Variants in SCAPER observed in about 807,000 individuals in gnomAD.
The protein encoded by SCAPER is S phase cyclin A-associated protein in the endoplasmic reticulum.
A neutral mutation model predicts 182.2 loss-of-function variants in SCAPER; 98 were observed. The ratio of observed to expected loss-of-function variants is 0.54; its 90% confidence interval spans 0.46 to 0.64. The LOEUF (loss-of-function observed/expected upper bound fraction) is 0.64, where lower values mean the gene tolerates loss of function less well. Ranked by LOEUF, SCAPER falls within the 30% of genes least tolerant of loss-of-function variation. The pLI is 0.00. For synonymous variants in SCAPER, 605 were observed against 564.6 expected (o/e 1.07, Z -1.01); for missense variants, 1,432 against 1,690.0 (o/e 0.85, Z 2.68).
chr15:76,421,740 T>A (rs900344750), intron 26 of SCAPER, among the ~76,000 whole-genome samples: 1 of 152,234 alleles, frequency 6.6e-6, no homozygotes, highest in Non-Finnish European at 1.5e-5. Context: ...TCCTCTAGGG[T>A]TTTTATGGTT....
chr15:76,827,070 CA>C (rs200442872), intron 5 of SCAPER, among the ~76,000 whole-genome samples: 25 of 151,614 alleles, frequency 1.6e-4, no homozygotes, highest in Admixed American at 1.5e-3. Flanking sequence ...ATGAATTAGA[CA>C]AAAAAAAGTA....
chr15:76,769,515 C>T (rs1455273058), intron 10 of SCAPER, among the ~76,000 whole-genome samples: 1 of 147,008 alleles, frequency 6.8e-6, no homozygotes, highest in Non-Finnish European at 1.5e-5. Flanking sequence ...AGGATATGAA[C>T]AGACATTTCT....
intron 21 of SCAPER, among the ~76,000 whole-genome samples, chr15:76,659,798 T>C (rs1050024896): frequency 1.3e-5 from 2 of 152,202 alleles, no homozygotes; most frequent in Admixed American, 6.5e-5. Context: ...ATATTGTTGG[T>C]GGGAATGTAA....
At chr15:76,623,835 A>C (rs1241780284) in intron 21 of SCAPER, among the ~76,000 whole-genome samples, 1 of 151,740 alleles carries the variant, frequency 6.6e-6, no homozygotes, top group Non-Finnish European at 1.5e-5. Flanking sequence ...ATGCAGAAGA[A>C]GTTTTCAATA....
At chr15:76,522,358 A>T (rs2042899458) in intron 23 of SCAPER, among the ~76,000 whole-genome samples, 1 of 152,154 alleles carries the variant, frequency 6.6e-6, no homozygotes, top group African/African-American at 2.4e-5. Context: ...CACCAGTAGG[A>T]AGTCAGTTAC....
intron 8 of SCAPER, among the ~76,000 whole-genome samples, chr15:76,775,576 G>C (rs1294709211): frequency 4.6e-5 from 7 of 152,132 alleles, no homozygotes; most frequent in Non-Finnish European, 1.0e-4. Context: ...AGGTACATTG[G>C]TTCTGGTGTC....
At chr15:76,709,878 T>C (rs1461878447) in intron 17 of SCAPER, among the ~76,000 whole-genome samples, 1 of 152,202 alleles carries the variant, frequency 6.6e-6, no homozygotes, top group Non-Finnish European at 1.5e-5. Flanking sequence ...CAAAAATTAA[T>C]GTAACATACC....
Position 76,730,586 on chromosome 15 carries a change from TA to T in SCAPER, c.2023-1850del, listed in dbSNP as rs576228326. 1.1e-4 allele frequency among the ~76,000 whole-genome samples: 17 copies of T among 151,800 alleles called. No homozygotes were observed. In the East Asian group the frequency reaches 2.7e-3, roughly 24 times the overall value. On this transcript the variant is annotated intron_variant, in intron 16 of 31. Coordinates refer to ENST00000563290, the MANE Select transcript of SCAPER (RefSeq NM_020843.4). ...TTTTCTCCATTAAAAAAAAAGTGAATAAAAAAATTCCTCTTATAGTCCAATT... is the reference window on the plus strand; with the variant it reads ...TTTTCTCCATTAAAAAAAAAGTGAATAAAAAATTCCTCTTATAGTCCAATT...
At position 76,352,730 on chromosome 15, in the gene SCAPER, G is replaced by A. The variant is rs974145194; in HGVS notation, c.4047+1219C>T. Among the ~76,000 whole-genome samples, 4 of 151,948 alleles carry A rather than the reference G, an allele frequency of 2.6e-5. No homozygotes were observed. In the East Asian group the frequency reaches 5.8e-4, roughly 22 times the overall value. The stretch of plus-strand genomic sequence containing the variant: ...CTCCCAAAGTGCTGGGATTACAGAT[G>A]TGAGCCACCACACCTGGTCCATAAT... On this transcript the variant is annotated intron_variant, in intron 30 of 31. Coordinates refer to ENST00000563290, the MANE Select transcript of SCAPER (RefSeq NM_020843.4).
intron 2 of SCAPER, among the ~76,000 whole-genome samples, chr15:76,875,413 G>A (rs1416279020): frequency 1.3e-5 from 2 of 152,326 alleles, no homozygotes; most frequent in East Asian, 3.9e-4. Context: ...GCAGGCCAAA[G>A]TAGGCGGATC....
intron 23 of SCAPER, among the ~76,000 whole-genome samples, chr15:76,518,439 A>C (rs2042601919): frequency 6.6e-6 from 1 of 152,216 alleles, no homozygotes; most frequent in South Asian, 2.1e-4. Context: ...GCACAAGGAA[A>C]GTCAAGCACA....
In SCAPER at chr15:76,398,388, T is replaced by A. The variant is rs538012394; in HGVS notation, c.3467+6136A>T. Among the ~76,000 whole-genome samples the A allele has an allele frequency of 2.6e-5, 4 of 152,344 alleles. No individual in the cohort carries two copies. In the East Asian group the frequency reaches 7.7e-4, roughly 29 times the overall value. ...AGTTGTATAGGCATCTTTTTCCCCC[T>A]ACAAGCTTACAGAGTCCTTAGACAA... On this transcript the variant is annotated intron_variant, in intron 27 of 31. Transcript: ENST00000563290.
At chr15:76,380,134 T>C (rs2141928339) in intron 28 of SCAPER, 1 of 152,262 alleles carries the variant, frequency 6.6e-6, no homozygotes, top group East Asian at 1.9e-4. Flanking sequence ...TCCAAACTGT[T>C]TCCAGACAGA....
chr15:76,751,156 T>C (rs966634188), intron 15 of SCAPER, among the ~76,000 whole-genome samples: 8 of 151,648 alleles, frequency 5.3e-5, no homozygotes, highest in Non-Finnish European at 1.2e-4. Flanking sequence ...AATAATAAAA[T>C]ACTTAGTAAT....
chr15:76,426,870 T>C (rs750207532), intron 26 of SCAPER, among the ~76,000 whole-genome samples: 18 of 152,270 alleles, frequency 1.2e-4, no homozygotes, highest in Middle Eastern at 3.4e-3. Flanking sequence ...TAAAAACAGA[T>C]ACATAGACCA....
At chr15:76,702,046 A>G (rs553416929) in intron 19 of SCAPER, among the ~76,000 whole-genome samples, 181 bp from the exon 20 acceptor site, 1 of 152,236 alleles carries the variant, frequency 6.6e-6, no homozygotes, top group South Asian at 2.1e-4. Context: ...ATGGTTAAAA[A>G]AAAAGACTTG....
chr15:76,371,563 C>A (rs111589763), intron 29 of SCAPER, among the ~76,000 whole-genome samples: 13 of 150,924 alleles, frequency 8.6e-5, no homozygotes, highest in Non-Finnish European at 1.8e-4. Context: ...TGTGATCCGC[C>A]CACCCCGGCC....
chr15:76,717,048 A>G (rs1277492140), intron 17 of SCAPER, among the ~76,000 whole-genome samples: 1 of 151,938 alleles, frequency 6.6e-6, no homozygotes, highest in Admixed American at 6.6e-5. Context: ...GTCTAGTCAC[A>G]TATAAGGGGA....
intron 25 of SCAPER, among the ~76,000 whole-genome samples, chr15:76,443,734 T>C (rs1331665233): frequency 2.0e-5 from 3 of 152,220 alleles, no homozygotes; most frequent in African/African-American, 4.8e-5. Context: ...GCCGAAACCA[T>C]TGTGTCCAGC....
Sources: allele counts gnomAD v4.1 joint callset (sites outside exome capture counted in the v4.1 genomes callset), GRCh38; gene constraint gnomAD v4.1.1; transcripts MANE v1.5; gene names NCBI Gene and HGNC (gene_info 2026-07-23, HGNC 2026-07-21).